The following AUTS2 variants were observed in gnomAD, a reference collection of about 807,000 sequenced individuals.
AUTS2 encodes autism susceptibility gene 2 protein.
AUTS2 carries 17 observed loss-of-function variants against 112.4 expected under a neutral mutation model. That is an observed-to-expected ratio of 0.15 (90% CI 0.10 to 0.23). The LOEUF is 0.23. AUTS2 is among the 10% of genes least tolerant of loss of function. The pLI is 1.00. For synonymous variants in AUTS2, 751 were observed against 702.7 expected (o/e 1.07, Z -1.09); for missense variants, 1,510 against 1,701.6 (o/e 0.89, Z 1.98).
chr7:70,374,534 C>T (rs1203504661), intron 4 of AUTS2, among the ~76,000 whole-genome samples: 1 of 152,150 alleles, frequency 6.6e-6, no homozygotes, highest in African/African-American at 2.4e-5. Flanking sequence ...TTGTAAGTAA[C>T]ATTTAGTTTG....
In AUTS2 at chr7:70,254,745, C is replaced by G. The variant is rs112743884; in HGVS notation, c.660+120174C>G. 1.6e-3 allele frequency among the ~76,000 whole-genome samples: 247 copies of G among 152,252 alleles called. 5 individuals are homozygous for G. Among genetic ancestry groups the G allele is most frequent in the African/African-American group, 5.6e-3 (233 of 41,544 alleles). ...TTCACAAATGTTATATTTGTAATATCTTATGTAGCAGAGTATTCTCACAGT... is the reference window on the plus strand; with the variant it reads ...TTCACAAATGTTATATTTGTAATATGTTATGTAGCAGAGTATTCTCACAGT... On this transcript the variant is annotated intron_variant, in intron 4 of 18. Transcript: ENST00000342771.
At chr7:70,269,115 A>T (rs1036463310) in intron 4 of AUTS2, among the ~76,000 whole-genome samples, 1 of 152,180 alleles carries the variant, frequency 6.6e-6, no homozygotes, top group Admixed American at 6.5e-5. Flanking sequence ...TTTGCTTTGA[A>T]TCTCTGTGGC....
intron 4 of AUTS2, among the ~76,000 whole-genome samples, chr7:70,355,598 C>T (rs1041499040): frequency 2.0e-5 from 3 of 152,068 alleles, no homozygotes; most frequent in South Asian, 2.1e-4. Flanking sequence ...GCAGCTGAGG[C>T]GGCCCCTCTG....
intron 2 of AUTS2, among the ~76,000 whole-genome samples, chr7:69,911,599 A>G (rs1314616495): frequency 1.3e-5 from 2 of 152,088 alleles, no homozygotes; most frequent in East Asian, 3.9e-4. Context: ...AGGAGACCTC[A>G]AGTGGGTAAC....
intron 5 of AUTS2, among the ~76,000 whole-genome samples, chr7:70,581,339 T>G (rs2129527178): frequency 6.6e-6 from 1 of 152,168 alleles, no homozygotes; most frequent in South Asian, 2.1e-4. Context: ...TGAGCCGAGA[T>G]TGCGCCATTG....
intron 1 of AUTS2, among the ~76,000 whole-genome samples, chr7:69,896,798 T>C (rs1474391316): frequency 6.6e-6 from 1 of 152,186 alleles, no homozygotes; most frequent in Non-Finnish European, 1.5e-5. Flanking sequence ...TTTCAAGAGA[T>C]TATGCACCCA....
At chr7:69,660,989 T>C (rs969658474) in intron 1 of AUTS2, among the ~76,000 whole-genome samples, 1 of 152,214 alleles carries the variant, frequency 6.6e-6, no homozygotes, top group Admixed American at 6.5e-5. Context: ...GGCTTCACCA[T>C]GTCATTGGGA....
intron 5 of AUTS2, 125 bp from the exon 6 acceptor site, chr7:70,698,444 C>A: frequency 4.0e-6 from 3 of 759,014 alleles, no homozygotes; most frequent in Admixed American, 2.4e-5. Context: ...GATTTGGGGA[C>A]ATTGCTGCTT....
chr7:69,867,785 C>A (rs1216204764), intron 1 of AUTS2, among the ~76,000 whole-genome samples: 3 of 152,148 alleles, frequency 2.0e-5, no homozygotes, highest in Admixed American at 2.0e-4. Flanking sequence ...CCCTCTCTCC[C>A]CCTATTTTTT....
At chr7:70,354,997 T>C (rs1410863934) in intron 4 of AUTS2, among the ~76,000 whole-genome samples, 1 of 149,202 alleles carries the variant, frequency 6.7e-6, no homozygotes, top group Non-Finnish European at 1.5e-5. Context: ...TGTGTGTGTA[T>C]GGGTGTGTGT....
At chr7:69,891,220 G>A (rs897114520) in intron 1 of AUTS2, among the ~76,000 whole-genome samples, 17 of 152,082 alleles carry the variant, frequency 1.1e-4, no homozygotes, top group African/African-American at 4.1e-4. Flanking sequence ...TTATATAAAT[G>A]GGATCATACA....
At chr7:69,926,110 C>T (rs1795996551) in intron 2 of AUTS2, among the ~76,000 whole-genome samples, 1 of 152,152 alleles carries the variant, frequency 6.6e-6, no homozygotes, top group East Asian at 1.9e-4. Context: ...TCCCTGAGCA[C>T]TTGAGAGGAA....
chr7:70,677,244 G>A (rs1026536247), intron 5 of AUTS2, among the ~76,000 whole-genome samples: 16 of 152,042 alleles, frequency 1.1e-4, no homozygotes, highest in Admixed American at 2.6e-4. Flanking sequence ...TTCTTTTCAC[G>A]CCACGACATT....
At chr7:69,696,602 G>A (rs1797572553) in intron 1 of AUTS2, among the ~76,000 whole-genome samples, 1 of 152,184 alleles carries the variant, frequency 6.6e-6, no homozygotes, top group Non-Finnish European at 1.5e-5. Flanking sequence ...CCATAGCCAT[G>A]CACAGAGTGG....
chr7:69,602,354 C>G (rs1792484414), intron 1 of AUTS2, among the ~76,000 whole-genome samples: 1 of 152,002 alleles, frequency 6.6e-6, no homozygotes, highest in African/African-American at 2.4e-5. Context: ...TAGCTGAATA[C>G]TATGTCACCT....
chr7:70,726,643 G>A (rs1019174853), intron 6 of AUTS2, among the ~76,000 whole-genome samples: 1 of 152,174 alleles, frequency 6.6e-6, no homozygotes, highest in African/African-American at 2.4e-5. Flanking sequence ...GAGAAGAGAA[G>A]ATAACATCTT....
Position 69,975,017 on chromosome 7 carries a change from G to A in AUTS2, c.522+75519G>A, listed in dbSNP as rs534027864. 3.8e-4 allele frequency among the ~76,000 whole-genome samples: 58 copies of A among 151,704 alleles called. 1 individual carries two copies. The highest frequency in any genetic ancestry group is 3.7e-3 in the Admixed American group (57 of 15,244). On this transcript the variant is annotated intron_variant, in intron 2 of 18. Transcript: ENST00000342771. ...AACTTCCTTTAGCCATTCTTTTAGG[G>A]TAGTTCTCCCAGTAACTATTTATTT...
intron 4 of AUTS2, among the ~76,000 whole-genome samples, chr7:70,282,159 T>C (rs1788247752): frequency 6.6e-6 from 1 of 152,148 alleles, no homozygotes; most frequent in African/African-American, 2.4e-5. Context: ...TCAGAACATG[T>C]TTCCTATTAA....
At chr7:70,570,385 A>G (rs1801888797) in intron 5 of AUTS2, among the ~76,000 whole-genome samples, 1 of 152,204 alleles carries the variant, frequency 6.6e-6, no homozygotes, top group African/African-American at 2.4e-5. Context: ...TTGTGTAAAG[A>G]GAACTTGCAC....
Sources: allele counts gnomAD v4.1 joint callset (sites outside exome capture counted in the v4.1 genomes callset), GRCh38; gene constraint gnomAD v4.1.1; transcripts MANE v1.5; gene names NCBI Gene and HGNC (gene_info 2026-07-23, HGNC 2026-07-21).